PCDH11X: variants seen among roughly 807,000 people sequenced by gnomAD.
PCDH11X encodes the protein protocadherin-11 X-linked.
In PCDH11X, 18 loss-of-function variants were observed where a neutral mutation model predicts 53.3. That is an observed-to-expected ratio of 0.34 (90% CI 0.23 to 0.50). The LOEUF (loss-of-function observed/expected upper bound fraction) is 0.50, where lower values mean the gene tolerates loss of function less well. Among genes scored for constraint, PCDH11X ranks in the 20% least tolerant of loss-of-function variants. The probability of loss-of-function intolerance (pLI) is 0.98; values close to 1 mark genes in which losing one functional copy is unlikely to be tolerated. For missense variants in PCDH11X, 570 were observed against 1,032.4 expected, an observed-to-expected ratio of 0.55 and a Z score of 6.14; for synonymous variants, 279 against 393.3, an observed-to-expected ratio of 0.71 and a Z score of 3.44.
intron 8 of PCDH11X, among the ~76,000 whole-genome samples, chrX:92,277,215 T>G (rs992050288): frequency 2.7e-5 from 3 of 110,197 alleles, no homozygotes; most frequent in Admixed American, 9.7e-5. Flanking sequence ...GGAGTTGCAC[T>G]GGGCACAGAG....
At chrX:92,585,646 A>C (rs1271665512) in intron 10 of PCDH11X, among the ~76,000 whole-genome samples, 1 of 110,923 alleles carries the variant, frequency 9.0e-6, no homozygotes, top group African/African-American at 3.3e-5. Flanking sequence ...CTGGGATTAC[A>C]GGCGTGAGCC....
chrX:92,569,002 G>T (rs1419345317), intron 10 of PCDH11X, among the ~76,000 whole-genome samples: 1 of 111,283 alleles, frequency 9.0e-6, no homozygotes, highest in Non-Finnish European at 1.9e-5. Flanking sequence ...CCTCAACTTT[G>T]CTCGGGAATC....
intron 10 of PCDH11X, among the ~76,000 whole-genome samples, chrX:92,562,800 G>T (rs2075151376): frequency 1.8e-5 from 2 of 109,970 alleles, no homozygotes. Flanking sequence ...AAGTGACCTT[G>T]GCTCCATTTC....
intron 6 of PCDH11X, among the ~76,000 whole-genome samples, chrX:92,146,127 T>C (rs1008191884): frequency 4.5e-5 from 5 of 111,312 alleles, no homozygotes; most frequent in Non-Finnish European, 9.4e-5. Context: ...AAACATCATA[T>C]ATATATATAG....
At position 92,575,938 on chromosome X, in the gene PCDH11X, T is replaced by TAC. The variant is rs1250408122; in HGVS notation, c.3368-42325_3368-42324insCA. Among the ~76,000 whole-genome samples the TAC allele has an allele frequency of 3.3e-4, 9 of 27,096 alleles. 1 individual carries two copies. Among genetic ancestry groups the TAC allele is most frequent in the African/African-American group, 5.7e-4 (3 of 5,255 alleles). The allele number at this position is 27,096 out of a possible 115,157, so 23.5% of individuals were successfully genotyped here. On this transcript the variant is annotated intron_variant, in intron 10 of 10. Transcript: ENST00000682573. ...ATATATATATATATATATATATATA[T>TAC]ATATATACACACACACACACACACA...
chrX:92,311,730 G>T (rs1314952528), intron 8 of PCDH11X, among the ~76,000 whole-genome samples: 1 of 110,484 alleles, frequency 9.1e-6, no homozygotes, highest in East Asian at 2.8e-4. Context: ...ACTCCAGAAA[G>T]TAAGCAATTA....
chrX:92,611,627 G>C (rs1481135115), intron 10 of PCDH11X, among the ~76,000 whole-genome samples: 1 of 106,205 alleles, frequency 9.4e-6, no homozygotes, highest in Non-Finnish European at 1.9e-5. Flanking sequence ...TGTTGAATAG[G>C]AGTACTGAAG....
chrX:91,922,949 A>G (rs1941801848), intron 6 of PCDH11X, among the ~76,000 whole-genome samples: 1 of 111,173 alleles, frequency 9.0e-6, no homozygotes, highest in South Asian at 3.8e-4. Flanking sequence ...TTTCACATGG[A>G]CTCTACAAAA....
intron 1 of PCDH11X, among the ~76,000 whole-genome samples, chrX:91,791,662 A>C (rs1164978769): frequency 9.8e-6 from 1 of 102,186 alleles, no homozygotes; most frequent in Non-Finnish European, 2.0e-5. Flanking sequence ...TAGCAGCCAA[A>C]ATACCCTATA....
intron 10 of PCDH11X, among the ~76,000 whole-genome samples, chrX:92,521,583 T>TAG (rs1255328352): frequency 8.9e-6 from 1 of 112,304 alleles, no homozygotes; most frequent in Non-Finnish European, 1.9e-5. Context: ...GGTTTCAACT[T>TAG]AAAGTTGTCA....
At chrX:92,311,505 C>T (rs2755330) in intron 8 of PCDH11X, among the ~76,000 whole-genome samples, 3 of 111,347 alleles carry the variant, frequency 2.7e-5, no homozygotes, top group South Asian at 3.7e-4. Context: ...ATCAGATTGA[C>T]ATTGTTCAGT....
intron 7 of PCDH11X, among the ~76,000 whole-genome samples, chrX:92,223,810 T>C (rs2066922775): frequency 9.0e-6 from 1 of 111,583 alleles, no homozygotes; most frequent in African/African-American, 3.3e-5. Context: ...GTCTAGCACA[T>C]AGTGAACATT....
intron 9 of PCDH11X, among the ~76,000 whole-genome samples, chrX:92,434,676 A>T (rs1603311663): frequency 9.8e-6 from 1 of 101,893 alleles, no homozygotes; most frequent in African/African-American, 3.9e-5. Context: ...CAAGTAGCTA[A>T]TTTTTTTTTT....
At chrX:92,531,696 C>A (rs893696452) in intron 10 of PCDH11X, among the ~76,000 whole-genome samples, 15 of 108,891 alleles carry the variant, frequency 1.4e-4, no homozygotes, top group South Asian at 4.0e-4. Flanking sequence ...TTTATATAAT[C>A]TTCCTTAGTT....
chrX:92,535,926 A>G (rs113262092), intron 10 of PCDH11X, among the ~76,000 whole-genome samples: 25,031 of 106,817 alleles, frequency 0.23, 2,644 homozygotes, highest in Non-Finnish European at 0.32. Context: ...AATAAAATAC[A>G]TTTCAGAGTT....
At chrX:91,869,376 A>T (rs1451346001) in intron 5 of PCDH11X, among the ~76,000 whole-genome samples, 1 of 111,076 alleles carries the variant, frequency 9.0e-6, no homozygotes, top group East Asian at 2.8e-4. Context: ...AAATCATTGA[A>T]CTAAAAACTA....
chrX:92,555,050 G>A (rs949176094), intron 10 of PCDH11X, among the ~76,000 whole-genome samples: 20 of 111,627 alleles, frequency 1.8e-4, no homozygotes, highest in South Asian at 3.7e-4. Flanking sequence ...GTTTCGCGAC[G>A]TATATTTTTG....
intron 10 of PCDH11X, among the ~76,000 whole-genome samples, chrX:92,491,820 A>G (rs1157939573): frequency 2.7e-5 from 3 of 111,221 alleles, no homozygotes; most frequent in Non-Finnish European, 5.7e-5. Context: ...TATCATTGAG[A>G]TCATGCAGTA....
chrX:91,941,420 A>G (rs1386735927), intron 6 of PCDH11X, among the ~76,000 whole-genome samples: 2 of 110,873 alleles, frequency 1.8e-5, no homozygotes, highest in African/African-American at 6.5e-5. Flanking sequence ...GCTATTTAAT[A>G]TCAGAAAAAT....
Sources: gnomAD v4.1 joint callset for allele counts (sites outside exome capture counted in the v4.1 genomes callset) on GRCh38, gnomAD v4.1.1 for gene constraint, MANE v1.5 for transcripts, NCBI Gene and HGNC (gene_info 2026-07-23, HGNC 2026-07-21) for gene names.